The following MSI2 variants were observed in gnomAD, a reference collection of about 807,000 sequenced individuals.
MSI2 encodes RNA-binding protein Musashi homolog 2.
Under a neutral mutation model 45.6 loss-of-function variants are expected in MSI2, and 17 were observed. That is an observed-to-expected ratio of 0.37 (90% CI 0.26 to 0.56). The LOEUF is 0.56. MSI2 is among the 20% of genes least tolerant of loss of function. The probability of loss-of-function intolerance (pLI) is 0.77; values close to 1 mark genes in which losing one functional copy is unlikely to be tolerated. For missense variants in MSI2, 293 were observed against 444.2 expected, an observed-to-expected ratio of 0.66 and a Z score of 3.06; for synonymous variants, 156 against 158.2, an observed-to-expected ratio of 0.99 and a Z score of 0.11.
At chr17:57,449,285 C>G (rs114978738) in intron 6 of MSI2, 92 of 152,394 alleles carry the variant, frequency 6.0e-4, no homozygotes, top group African/African-American at 2.2e-3. Flanking sequence ...ATCTCTATCC[C>G]CACTCCTTCT....
chr17:57,507,186 G>T (rs1159197787), intron 6 of MSI2, among the ~76,000 whole-genome samples: 4 of 143,518 alleles, frequency 2.8e-5, no homozygotes, highest in African/African-American at 1.1e-4. Context: ...GGGGGGGGGG[G>T]GTGTAAATCT....
intron 5 of MSI2, among the ~76,000 whole-genome samples, chr17:57,290,470 A>G (rs978411855): frequency 5.3e-5 from 8 of 152,146 alleles, no homozygotes; most frequent in South Asian, 2.1e-4. Flanking sequence ...CACCATGCCC[A>G]TTTAATTTTT....
At chr17:57,454,684 C>T (rs1473664594) in intron 6 of MSI2, among the ~76,000 whole-genome samples, 1 of 152,168 alleles carries the variant, frequency 6.6e-6, no homozygotes, top group Non-Finnish European at 1.5e-5. Flanking sequence ...ATCTACCCAC[C>T]TCGGCCTCCC....
At chr17:57,271,568 G>T (rs751305784) in intron 5 of MSI2, among the ~76,000 whole-genome samples, 6 of 152,024 alleles carry the variant, frequency 3.9e-5, no homozygotes, top group Non-Finnish European at 8.8e-5. Context: ...AATTCCTTGG[G>T]GGTCAAGAGA....
At chr17:57,444,200 A>T (rs1404709438) in intron 6 of MSI2, among the ~76,000 whole-genome samples, 1 of 152,190 alleles carries the variant, frequency 6.6e-6, no homozygotes, top group Non-Finnish European at 1.5e-5. Context: ...CCTTTGTCTG[A>T]TAATGACAGC....
chr17:57,431,071 C>T (rs2084585699), intron 6 of MSI2, among the ~76,000 whole-genome samples: 1 of 152,208 alleles, frequency 6.6e-6, no homozygotes, highest in African/African-American at 2.4e-5. Context: ...GGGTGAAATG[C>T]CCTCAGTTGC....
chr17:57,305,531 C>T (rs1394631201), intron 5 of MSI2, among the ~76,000 whole-genome samples: 1 of 152,210 alleles, frequency 6.6e-6, no homozygotes, highest in Non-Finnish European at 1.5e-5. Flanking sequence ...GTAGTCAAAA[C>T]ACACGCTGAT....
chr17:57,700,114 G>A, the MSI2 span, among the ~76,000 whole-genome samples: 17 of 152,224 alleles, frequency 1.1e-4, no homozygotes, highest in African/African-American at 3.1e-4. Context: ...GGAGATTTAC[G>A]GGGTAGTGAC....
chr17:57,492,598 G>C (rs2085896093), intron 6 of MSI2, among the ~76,000 whole-genome samples: 1 of 148,408 alleles, frequency 6.7e-6, no homozygotes, highest in African/African-American at 2.4e-5. Flanking sequence ...AACTCCATTT[G>C]GGTTCTCAGT....
the MSI2 span, among the ~76,000 whole-genome samples, chr17:57,694,676 A>C: frequency 1.3e-5 from 2 of 152,186 alleles, no homozygotes; most frequent in South Asian, 2.1e-4. Flanking sequence ...CCTATCACAG[A>C]TCTGTACATC....
chr17:57,553,648 A>T (rs2087358713), intron 7 of MSI2, among the ~76,000 whole-genome samples: 1 of 152,166 alleles, frequency 6.6e-6, no homozygotes, highest in African/African-American at 2.4e-5. Context: ...TCATCCTTCG[A>T]TTCTCATCGC....
At chr17:57,690,868 A>G in the MSI2 span, among the ~76,000 whole-genome samples, 2 of 152,184 alleles carry the variant, frequency 1.3e-5, no homozygotes, top group Non-Finnish European at 2.9e-5. Flanking sequence ...TCAAGGCACA[A>G]CAATTTTATC....
chr17:57,666,449 G>A (rs1466084612), intron 11 of MSI2, among the ~76,000 whole-genome samples: 1 of 152,240 alleles, frequency 6.6e-6, no homozygotes, highest in East Asian at 1.9e-4. Flanking sequence ...CACACCTGCA[G>A]AAGCTACAGC....
chr17:57,646,510 C>A (rs760920982), intron 10 of MSI2, among the ~76,000 whole-genome samples: 1 of 152,194 alleles, frequency 6.6e-6, no homozygotes, highest in Non-Finnish European at 1.5e-5. Flanking sequence ...CAAGCTCAAG[C>A]AAGGTCTGAG....
Position 57,527,815 on chromosome 17 carries a change from CT to C in MSI2, c.406-1860del, listed in dbSNP as rs553690503. On this transcript the variant is annotated intron_variant, in intron 6 of 13. Transcript: ENST00000284073. ...TCTTACCTTGACTTTGCTCTTCCCC[CT>C]ATTACATTTGATCGCATCTAGAAAA... Among the ~76,000 whole-genome samples, 62 of 152,338 alleles carry C rather than the reference CT, an allele frequency of 4.1e-4. No homozygotes were observed. The East Asian group carries it at 4.6e-3, about 11-fold the overall frequency.
intron 9 of MSI2, 80 bp downstream of exon 9, chr17:57,616,164 G>T: frequency 9.6e-7 from 1 of 1,040,016 alleles, no homozygotes; most frequent in Non-Finnish European, 1.5e-6. Context: ...TCACCTACCA[G>T]TGGGGCAAAC....
At position 57,637,388 on chromosome 17, in the gene MSI2, AAGC is replaced by A. The variant is rs1909918528; in HGVS notation, c.727+10088_727+10090del. ...AGGAGTTGACTCTATTCCCAGATGA[AAGC>A]AGAGCACGGTGCCTAATAGGCACTT... On this transcript the variant is annotated intron_variant, in intron 10 of 13. Coordinates refer to ENST00000284073, the MANE Select transcript of MSI2 (RefSeq NM_138962.4). Among the ~76,000 whole-genome samples the A allele has an allele frequency of 2.0e-5, 3 of 152,366 alleles. No homozygotes were observed. In the South Asian group the frequency reaches 6.2e-4, roughly 32 times the overall value.
chr17:57,647,071 T>C (rs1910716404), intron 10 of MSI2, among the ~76,000 whole-genome samples: 1 of 152,084 alleles, frequency 6.6e-6, no homozygotes, highest in South Asian at 2.1e-4. Flanking sequence ...TGAGCTATGT[T>C]AACTCCACTA....
At chr17:57,647,274 C>CAAAAAAAAAAAA (rs33915774) in intron 10 of MSI2, among the ~76,000 whole-genome samples, 1 of 37,680 alleles carries the variant, frequency 2.7e-5, no homozygotes, top group Non-Finnish European at 5.3e-5. Context: ...ACTAAAAATA[C>CAAAAAAAAAAAA]AAAAAAAAAA....
Sources: gnomAD v4.1 joint callset for allele counts (sites outside exome capture counted in the v4.1 genomes callset) on GRCh38, gnomAD v4.1.1 for gene constraint, MANE v1.5 for transcripts, NCBI Gene and HGNC (gene_info 2026-07-23, HGNC 2026-07-21) for gene names.